LRRC4C: variants seen among roughly 807,000 people sequenced by gnomAD.
LRRC4C encodes the protein leucine-rich repeat-containing protein 4C.
LRRC4C carries 5 observed loss-of-function variants against 33.6 expected under a neutral mutation model. The observed-to-expected ratio is 0.15, with a 90% CI of 0.08 to 0.31. The LOEUF is 0.31. LRRC4C is among the 10% of genes least tolerant of loss of function. The pLI is 1.00. For missense variants in LRRC4C, 560 were observed against 796.7 expected, an observed-to-expected ratio of 0.70 and a Z score of 3.58; for synonymous variants, 329 against 302.0, an observed-to-expected ratio of 1.09 and a Z score of -0.93.
At chr11:40,363,471 C>A (rs1016912758) in intron 3 of LRRC4C, among the ~76,000 whole-genome samples, 7 of 152,006 alleles carry the variant, frequency 4.6e-5, no homozygotes, top group African/African-American at 1.7e-4. Context: ...AGGCTTAATA[C>A]CTGTGGGTGA....
chr11:40,597,059 G>A (rs1279358659), intron 3 of LRRC4C, among the ~76,000 whole-genome samples: 2 of 152,110 alleles, frequency 1.3e-5, no homozygotes, highest in African/African-American at 4.8e-5. Context: ...TATAGAATGA[G>A]ATTTATACTG....
intron 4 of LRRC4C, among the ~76,000 whole-genome samples, chr11:40,294,304 A>AC (rs1944397873): frequency 1.3e-5 from 2 of 151,860 alleles, no homozygotes; most frequent in South Asian, 4.1e-4. Flanking sequence ...TCTAAAAGCA[A>AC]CCCCCACGCT....
At chr11:41,274,826 G>C (rs926077159) in intron 1 of LRRC4C, among the ~76,000 whole-genome samples, 4 of 152,060 alleles carry the variant, frequency 2.6e-5, no homozygotes, top group African/African-American at 9.7e-5. Flanking sequence ...CTTCATTCTT[G>C]AATCAGCGAG....
intron 3 of LRRC4C, among the ~76,000 whole-genome samples, chr11:40,533,711 A>G (rs1372073510): frequency 6.6e-6 from 1 of 152,128 alleles, no homozygotes; most frequent in Admixed American, 6.6e-5. Context: ...ACATGTGATT[A>G]TTTGGGACAC....
chr11:40,761,140 G>T (rs1949192633), intron 2 of LRRC4C, among the ~76,000 whole-genome samples: 1 of 151,880 alleles, frequency 6.6e-6, no homozygotes, highest in Non-Finnish European at 1.5e-5. Context: ...AGCTATAGTG[G>T]AGAACATATA....
chr11:40,930,836 C>G (rs1957586843), intron 2 of LRRC4C, among the ~76,000 whole-genome samples: 1 of 152,148 alleles, frequency 6.6e-6, no homozygotes, highest in Admixed American at 6.6e-5. Flanking sequence ...CAAATTAAAT[C>G]CCCCAAACAT....
At chr11:40,407,355 C>T (rs1237693052) in intron 3 of LRRC4C, among the ~76,000 whole-genome samples, 2 of 152,052 alleles carry the variant, frequency 1.3e-5, no homozygotes, top group Non-Finnish European at 2.9e-5. Context: ...CTCTATTTTT[C>T]TCCCTTTTGC....
intron 3 of LRRC4C, among the ~76,000 whole-genome samples, chr11:40,399,863 A>G (rs1949694838): frequency 6.6e-6 from 1 of 152,078 alleles, no homozygotes; most frequent in Admixed American, 6.6e-5. Context: ...TTAGTCTATA[A>G]GAGTAAAAGA....
intron 3 of LRRC4C, among the ~76,000 whole-genome samples, chr11:40,456,726 G>A (rs192780449): frequency 1.4e-4 from 21 of 152,052 alleles, no homozygotes; most frequent in Admixed American, 2.6e-4. Flanking sequence ...GTTAAAGAAA[G>A]CTTGGTATTG....
At chr11:41,373,698 C>T (rs182690872) in intron 1 of LRRC4C, among the ~76,000 whole-genome samples, 39 of 151,976 alleles carry the variant, frequency 2.6e-4, no homozygotes, top group Non-Finnish European at 3.5e-4. Flanking sequence ...ATAAAGATAC[C>T]GACAGTGTAA....
intron 1 of LRRC4C, among the ~76,000 whole-genome samples, chr11:41,312,456 C>CT (rs1289889393): frequency 6.6e-6 from 1 of 152,184 alleles, no homozygotes; most frequent in Non-Finnish European, 1.5e-5. Flanking sequence ...AGATGTGTTA[C>CT]TAGTTCACTG....
At chr11:40,325,693 GCTA>G (rs1014629510) in intron 3 of LRRC4C, among the ~76,000 whole-genome samples, 6 of 151,644 alleles carry the variant, frequency 4.0e-5, no homozygotes, top group Non-Finnish European at 7.4e-5. Flanking sequence ...TCGAAAGATA[GCTA>G]CTAACACTTA....
chr11:40,710,954 A>G (rs1335960378), intron 2 of LRRC4C, among the ~76,000 whole-genome samples: 2 of 152,090 alleles, frequency 1.3e-5, no homozygotes, highest in Non-Finnish European at 2.9e-5. Context: ...ATATGATCTG[A>G]GACTAGCAGT....
chr11:40,724,761 A>C (rs923005797), intron 2 of LRRC4C, among the ~76,000 whole-genome samples: 3 of 152,196 alleles, frequency 2.0e-5, no homozygotes, highest in African/African-American at 4.8e-5. Context: ...GATTTAAATG[A>C]AATTGAGACC....
At chr11:40,648,401 T>G (rs1221792013) in intron 2 of LRRC4C, 123 bp from the exon 3 acceptor site, 1 of 152,188 alleles carries the variant, frequency 6.6e-6, no homozygotes, top group African/African-American at 2.4e-5. Flanking sequence ...ACATTGACCA[T>G]TTTTATTTTT....
intron 4 of LRRC4C, among the ~76,000 whole-genome samples, chr11:40,286,568 T>G (rs1943854513): frequency 6.6e-6 from 1 of 152,132 alleles, no homozygotes; most frequent in East Asian, 1.9e-4. Flanking sequence ...ATATGCTCCA[T>G]AAAAGTAAAG....
At chr11:40,367,926 C>T (rs956058753) in intron 3 of LRRC4C, among the ~76,000 whole-genome samples, 1 of 151,066 alleles carries the variant, frequency 6.6e-6, no homozygotes, top group Non-Finnish European at 1.5e-5. Flanking sequence ...GTATAATGTC[C>T]CATCTACACA....
intron 5 of LRRC4C, among the ~76,000 whole-genome samples, chr11:40,147,508 T>A (rs573678333): frequency 6.6e-6 from 1 of 152,030 alleles, no homozygotes; most frequent in African/African-American, 2.4e-5. Context: ...TTCTTCTGCA[T>A]TTTTTTCTCA....
chr11:40,285,021 G>A (rs1392337730), intron 4 of LRRC4C, among the ~76,000 whole-genome samples: 2 of 152,006 alleles, frequency 1.3e-5, no homozygotes, highest in East Asian at 3.9e-4. Context: ...CCAACAAGAG[G>A]CACTACTGTA....
Sources: allele counts gnomAD v4.1 joint callset (sites outside exome capture counted in the v4.1 genomes callset), GRCh38; gene constraint gnomAD v4.1.1; transcripts MANE v1.5; gene names NCBI Gene and HGNC (gene_info 2026-07-23, HGNC 2026-07-21).